Variants in RBFOX1 observed in about 807,000 individuals in gnomAD.
RBFOX1 encodes RNA binding protein fox-1 homolog 1.
Under a neutral mutation model 57.7 loss-of-function variants are expected in RBFOX1, and 8 were observed. That is an observed-to-expected ratio of 0.14 (90% CI 0.08 to 0.25). The LOEUF is 0.25. Ranked by LOEUF, RBFOX1 falls within the 10% of genes least tolerant of loss-of-function variation. The pLI, the probability that RBFOX1 is intolerant of heterozygous loss-of-function variation, is 1.00. For synonymous variants in RBFOX1, 326 were observed against 222.4 expected (o/e 1.47, Z -4.15); for missense variants, 611 against 548.5 (o/e 1.11, Z -1.14).
chr16:6,063,786 T>C (rs2095720929), intron 1 of RBFOX1, among the ~76,000 whole-genome samples: 1 of 152,176 alleles, frequency 6.6e-6, no homozygotes, highest in African/African-American at 2.4e-5. Flanking sequence ...ACTCCAACTG[T>C]GTCTTTGATT....
rs1413807971 is a variant in RBFOX1 at position 7,029,090 on chromosome 16, A to G, written c.-15-22967A>G. On this transcript the variant is annotated intron_variant, in intron 3 of 15. Transcript: ENST00000550418. ...TATATATATATATATATACACACAC[A>G]CACACACACACACACACACACACAC... 2.4e-4 allele frequency among the ~76,000 whole-genome samples: 4 copies of G among 16,716 alleles called. 1 individual carries two copies. Among genetic ancestry groups the G allele is most frequent in the South Asian group, 7.2e-3 (2 of 276 alleles). 11.0% of individuals were successfully genotyped at this position (16,716 alleles called of 152,430 possible). A position where few individuals can be genotyped will look rare whatever the true frequency, so the allele number is the denominator to read the frequency against.
chr16:5,681,021 C>G (rs1039348862), intron 3 of RBFOX1, among the ~76,000 whole-genome samples: 2 of 151,862 alleles, frequency 1.3e-5, no homozygotes, highest in African/African-American at 4.8e-5. Flanking sequence ...TGATGAGTTT[C>G]TAGGGAGAAT....
At chr16:7,131,904 G>T (rs1567384380) in intron 4 of RBFOX1, among the ~76,000 whole-genome samples, 1 of 151,976 alleles carries the variant, frequency 6.6e-6, no homozygotes. Context: ...AGGCTTCCCA[G>T]TATCTTAAAG....
At chr16:5,878,715 A>G (rs1441445453) in intron 4 of RBFOX1, among the ~76,000 whole-genome samples, 1 of 152,094 alleles carries the variant, frequency 6.6e-6, no homozygotes, top group African/African-American at 2.4e-5. Flanking sequence ...GAGTTATTGC[A>G]ATTCTGGCTT....
chr16:5,261,913 C>T (rs1003648270), intron 1 of RBFOX1, among the ~76,000 whole-genome samples: 3 of 152,094 alleles, frequency 2.0e-5, no homozygotes, highest in African/African-American at 7.2e-5. Context: ...TTCTTCTCTC[C>T]CAGTAGTTTC....
intron 2 of RBFOX1, among the ~76,000 whole-genome samples, chr16:6,436,039 T>G (rs2094223496): frequency 6.6e-6 from 1 of 152,142 alleles, no homozygotes; most frequent in Non-Finnish European, 1.5e-5. Flanking sequence ...ATGGTTAAAA[T>G]CTGCATTTTC....
intron 3 of RBFOX1, among the ~76,000 whole-genome samples, chr16:6,755,663 T>C (rs999196017): frequency 6.6e-6 from 1 of 152,174 alleles, no homozygotes; most frequent in African/African-American, 2.4e-5. Flanking sequence ...AAAAACAACT[T>C]TTAATCACTT....
intron 1 of RBFOX1, among the ~76,000 whole-genome samples, chr16:6,021,565 G>A (rs750603251): frequency 3.3e-5 from 5 of 152,170 alleles, no homozygotes; most frequent in Admixed American, 6.5e-5. Flanking sequence ...CTTTGAGCTC[G>A]TCAGGGAGGC....
At chr16:7,431,628 G>A (rs544196781) in intron 4 of RBFOX1, among the ~76,000 whole-genome samples, 11 of 152,268 alleles carry the variant, frequency 7.2e-5, no homozygotes, top group East Asian at 1.9e-4. Flanking sequence ...TAATGCAACC[G>A]CCATCACTGT....
chr16:7,629,341 A>G (rs1307873039), intron 10 of RBFOX1, among the ~76,000 whole-genome samples: 4 of 152,204 alleles, frequency 2.6e-5, no homozygotes, highest in Admixed American at 2.6e-4. Context: ...CATAGGGAAG[A>G]TACAGAAGGA....
intron 4 of RBFOX1, among the ~76,000 whole-genome samples, chr16:7,096,137 A>G (rs1028674830): frequency 6.6e-6 from 1 of 152,222 alleles, no homozygotes; most frequent in African/African-American, 2.4e-5. Flanking sequence ...TCTTCATATA[A>G]CTTACATGTA....
intron 2 of RBFOX1, among the ~76,000 whole-genome samples, chr16:5,587,588 C>G (rs974535690): frequency 2.0e-5 from 3 of 152,206 alleles, no homozygotes; most frequent in East Asian, 3.8e-4. Context: ...TGGCAGATGC[C>G]TGTAATCCCA....
chr16:6,574,422 C>CTTTTT (rs1209143561), intron 2 of RBFOX1, among the ~76,000 whole-genome samples: 7 of 96,502 alleles, frequency 7.3e-5, no homozygotes, highest in Non-Finnish European at 1.1e-4. Flanking sequence ...TCCGTATCTT[C>CTTTTT]TATTTTTTTT....
chr16:7,135,187 A>G (rs2071580562), intron 4 of RBFOX1, among the ~76,000 whole-genome samples: 1 of 152,152 alleles, frequency 6.6e-6, no homozygotes, highest in Non-Finnish European at 1.5e-5. Flanking sequence ...CTGTTTCCTC[A>G]GTGTATTTCA....
At chr16:5,952,909 C>T (rs950322237) in intron 4 of RBFOX1, among the ~76,000 whole-genome samples, 1 of 152,150 alleles carries the variant, frequency 6.6e-6, no homozygotes, top group African/African-American at 2.4e-5. Context: ...GGTTTGTGCT[C>T]AGGATCAAGA....
intron 2 of RBFOX1, among the ~76,000 whole-genome samples, chr16:6,390,297 C>CA (rs1207571004): frequency 1.3e-5 from 2 of 152,138 alleles, no homozygotes; most frequent in African/African-American, 4.8e-5. Flanking sequence ...GATGGAAAGA[C>CA]AAAATCTGCC....
At chr16:5,530,933 TAAAAAAAAAAAAAAAAAAA>T (rs59311923) in intron 2 of RBFOX1, among the ~76,000 whole-genome samples, 32 of 55,050 alleles carry the variant, frequency 5.8e-4, no homozygotes, top group Non-Finnish European at 7.8e-4. Context: ...ACTAAAAATA[TAAAAAAAAAAAAAAAAAAA>T]AAAAAAAAAA....
intron 3 of RBFOX1, among the ~76,000 whole-genome samples, chr16:6,833,792 G>A (rs1459202649): frequency 6.6e-6 from 1 of 152,184 alleles, no homozygotes. Context: ...TGAAGGACTA[G>A]CATTGAGGTT....
At chr16:6,147,083 C>T (rs74004990) in intron 1 of RBFOX1, among the ~76,000 whole-genome samples, 6,250 of 152,200 alleles carry the variant, frequency 0.041, 399 homozygotes, top group African/African-American at 0.13. Context: ...GCCCCAGCTT[C>T]CACCCACGGA....
Sources: allele counts gnomAD v4.1 joint callset (sites outside exome capture counted in the v4.1 genomes callset), GRCh38; gene constraint gnomAD v4.1.1; transcripts MANE v1.5; gene names NCBI Gene and HGNC (gene_info 2026-07-23, HGNC 2026-07-21).